The following TNNT2 variants were observed in gnomAD, a reference collection of about 807,000 sequenced individuals.
The protein encoded by TNNT2 is troponin T, cardiac muscle.
A neutral mutation model predicts 62.4 loss-of-function variants in TNNT2; 34 were observed. That is an observed-to-expected ratio of 0.54 (90% CI 0.41 to 0.72). The LOEUF is 0.72. Ranked by LOEUF, TNNT2 falls within the 30% of genes least tolerant of loss-of-function variation. The pLI is 0.00. For synonymous variants in TNNT2, 123 were observed against 127.2 expected (o/e 0.97, Z 0.22); for missense variants, 275 against 381.9 (o/e 0.72, Z 2.33).
rs1321095811 is a variant in TNNT2 at position 201,373,264 on chromosome 1, T to C, written c.-10A>G. On this transcript the variant is annotated 5_prime_UTR_variant, in exon 2 of 17. Transcript: ENST00000656932. The stretch of plus-strand genomic sequence containing the variant: ...CTTCTATGTCAGACATGGTCTCTGC[T>C]CTCCCTCCAAAAGGAGAAAAAAGTC... 6.2e-7 allele frequency: 1 copy of C among 1,613,902 alleles called. No homozygotes were observed. Among genetic ancestry groups the C allele is most frequent in the Non-Finnish European group, 8.5e-7 (1 of 1,179,956 alleles).
At chr1:201,372,789 G>T (rs1660843393) in intron 2 of TNNT2, among the ~76,000 whole-genome samples, 1 of 152,218 alleles carries the variant, frequency 6.6e-6, no homozygotes, top group South Asian at 2.1e-4. Flanking sequence ...TGTGGGCAGG[G>T]CACTGTCATG....
intron 14 of TNNT2, among the ~76,000 whole-genome samples, chr1:201,361,677 GT>G (rs961747355): frequency 6.6e-6 from 1 of 152,370 alleles, no homozygotes; most frequent in African/African-American, 2.4e-5. Flanking sequence ...GTGCAGGTGG[GT>G]AGGTGAAGCT....
chr1:201,365,441 C>A, intron 9 of TNNT2, 134 bp from the exon 10 acceptor site: 1 of 1,187,290 alleles, frequency 8.4e-7, no homozygotes. Context: ...GAAGGGGTAA[C>A]TGTGGCCTGA....
intron 7 of TNNT2, 75 bp from the exon 8 acceptor site, chr1:201,366,946 A>G: frequency 6.2e-7 from 1 of 1,612,634 alleles, no homozygotes; most frequent in Middle Eastern, 1.7e-4. Flanking sequence ...TCGATGAGCT[A>G]GATCCCTGTG....
intron 1 of TNNT2, chr1:201,375,081 C>G (rs557376858): frequency 1.3e-5 from 2 of 152,546 alleles, no homozygotes; most frequent in South Asian, 4.1e-4. Flanking sequence ...ACTCCCTCAT[C>G]ACCTCTCCCT....
chr1:201,362,491 C>A, intron 12 of TNNT2, 97 bp from the exon 13 acceptor site: 1 of 1,472,408 alleles, frequency 6.8e-7, no homozygotes, highest in Non-Finnish European at 9.4e-7. Flanking sequence ...CAAGGAGAGA[C>A]ATGGAAGAGA....
intron 1 of TNNT2, chr1:201,374,510 A>G (rs2996494): frequency 0.078 from 11,922 of 152,286 alleles, 935 homozygotes; most frequent in African/African-American, 0.2. Context: ...ATTAGGCAAC[A>G]TCAGGTGTTA....
At chr1:201,366,373 G>T in intron 8 of TNNT2, 5 of 1,049,862 alleles carry the variant, frequency 4.8e-6, no homozygotes, top group Non-Finnish European at 5.7e-6. Context: ...GCCCCCCCCA[G>T]CACACACCAC....
At chr1:201,370,187 C>T (rs1660410196) in intron 4 of TNNT2, among the ~76,000 whole-genome samples, 1 of 152,216 alleles carries the variant, frequency 6.6e-6, no homozygotes, top group Non-Finnish European at 1.5e-5. Context: ...CTCTAGACGA[C>T]AGAGCCTTGG....
chr1:201,372,085 GT>G (rs1660698900), intron 3 of TNNT2, 44 bp from the exon 4 acceptor site: 2 of 1,614,018 alleles, frequency 1.2e-6, no homozygotes, highest in African/African-American at 2.7e-5. Flanking sequence ...GAGAGAAGAG[GT>G]GGGTCAGTTT....
intron 11 of TNNT2, 138 bp from the exon 12 acceptor site, chr1:201,363,544 C>A: frequency 1.3e-6 from 1 of 770,684 alleles, no homozygotes; most frequent in Non-Finnish European, 2.3e-6. Flanking sequence ...AGGGTAGCTC[C>A]CAGCACAGTG....
In TNNT2 at chr1:201,359,173, G is replaced by A. The variant is rs149240770; in HGVS notation, c.*37C>T. Reference sequence around the variant, plus strand: ...GGGAGTGCAGGCCGGAGGCAGGTGCGAGCGAGGAGCAGATCTTTGGTGAAG... The same window carrying A: ...GGGAGTGCAGGCCGGAGGCAGGTGCAAGCGAGGAGCAGATCTTTGGTGAAG... On this transcript the variant is annotated 3_prime_UTR_variant, in exon 17 of 17. Coordinates refer to ENST00000656932, the MANE Select transcript of TNNT2 (RefSeq NM_001276345.2). 1,217 of 1,598,354 alleles carry A rather than the reference G, an allele frequency of 7.6e-4. 13 individuals carry two copies. The highest frequency in any genetic ancestry group is 7.2e-3 in the South Asian group (629 of 87,660).
chr1:201,362,126 A>G (rs1242185613), intron 13 of TNNT2, 104 bp from the exon 14 acceptor site: 2 of 1,324,986 alleles, frequency 1.5e-6, no homozygotes, highest in Non-Finnish European at 2.2e-6. Context: ...CAGGAGGGCC[A>G]GGTTCTTATG....
Position 201,365,214 on chromosome 1 carries a change from G to C in TNNT2, c.388C>G (p.Leu130Val), listed in dbSNP as rs767617578. ...ACGATCCTGTCTTTGAGAGAAACGA[G>C]CTCCTCCTCCTCTTTCTTCCTGTTC... ...FENRKKEEEE[L>V]VSLKDRIERR... The change falls in exon 10 of 17, where the codon CTC becomes GTC. Residue 130 changes from leucine (L) to valine (V), a missense_variant. Transcript: ENST00000656932. The C allele has an allele frequency of 1.2e-6, 2 of 1,614,088 alleles. No homozygotes were observed. The highest frequency in any genetic ancestry group is 1.7e-6 in the Non-Finnish European group (2 of 1,179,942).
intron 10 of TNNT2, among the ~76,000 whole-genome samples, chr1:201,364,788 G>T (rs1659358878): frequency 1.3e-5 from 2 of 152,238 alleles, no homozygotes; most frequent in Admixed American, 6.5e-5. Context: ...AATCAAAGCA[G>T]CCTCCACGCT....
rs1206534717 is a variant in TNNT2, at chr1:201,363,302, G to C, written c.594C>G (p.Ile198Met). Reference sequence around the variant, plus strand: ...CCTGCTGCTCCCTACCTACCTTCTGGATGTAACCCCCAAAATGCATCATGT... The same window carrying C: ...CCTGCTGCTCCCTACCTACCTTCTGCATGTAACCCCCAAAATGCATCATGT... ...LSNMMHFGGY[I>M]QKQAQTERKS... The change falls in exon 12 of 17, where the codon ATC becomes ATG. Residue 198 changes from isoleucine (I) to methionine (M), a missense_variant. Ile to Met is a conservative substitution (Grantham distance 10). Coordinates refer to ENST00000656932, the MANE Select transcript of TNNT2 (RefSeq NM_001276345.2). 1 of 1,613,982 alleles carries C rather than the reference G, an allele frequency of 6.2e-7. No individual in the cohort carries two copies. The highest frequency in any genetic ancestry group is 8.5e-7 in the Non-Finnish European group (1 of 1,180,020).
chr1:201,371,697 C>G (rs1029833938), intron 4 of TNNT2, among the ~76,000 whole-genome samples: 13 of 151,950 alleles, frequency 8.6e-5, no homozygotes, highest in African/African-American at 3.1e-4. Context: ...GTACCTTGGG[C>G]AGGGGGGGCC....
Position 201,368,168 on chromosome 1 carries a change from C to T in TNNT2, c.157G>A (p.Ala53Thr). The part of the protein sequence containing the change: ...EAEAETEETR[A>T]EEDEEEEEAK... ...CCCTCAACCAGAGACTTACCTTCTG[C>T]CCTGGTCTCCTCGGTCTCAGCCTCT... Residue 53 changes from alanine to threonine, a missense_variant, in exon 6 of 17, where the codon GCA becomes ACA. By Grantham distance (58) the Ala-to-Thr change is moderately conservative (BLOSUM62 0). Transcript: ENST00000656932. The T allele has an allele frequency of 1.9e-6, 3 of 1,614,118 alleles. No individual in the cohort carries two copies. Among genetic ancestry groups the T allele is most frequent in the Non-Finnish European group, 2.5e-6 (3 of 1,180,008 alleles).
At chr1:201,372,591 C>A (rs2102312120) in intron 2 of TNNT2, among the ~76,000 whole-genome samples, 1 of 152,348 alleles carries the variant, frequency 6.6e-6, no homozygotes, top group East Asian at 1.9e-4. Context: ...TACCAACAGC[C>A]CGCCCTCCAC....
Sources: allele counts gnomAD v4.1 joint callset (sites outside exome capture counted in the v4.1 genomes callset), GRCh38; gene constraint gnomAD v4.1.1; transcripts MANE v1.5; gene names NCBI Gene and HGNC (gene_info 2026-07-23, HGNC 2026-07-21).